The following CPNE4 variants were observed in gnomAD, a reference collection of about 807,000 sequenced individuals.
The protein encoded by CPNE4 is copine-4.
CPNE4 carries 25 observed loss-of-function variants against 67.9 expected under a neutral mutation model. That is an observed-to-expected ratio of 0.37 (90% CI 0.27 to 0.51). The LOEUF is 0.51. CPNE4 is among the 20% of genes least tolerant of loss of function. The probability of loss-of-function intolerance (pLI) is 0.93; values close to 1 mark genes in which losing one functional copy is unlikely to be tolerated. For missense variants in CPNE4, 464 were observed against 690.8 expected (o/e 0.67, Z 3.68); for synonymous variants, 242 against 244.9 (o/e 0.99, Z 0.11).
intron 7 of CPNE4, among the ~76,000 whole-genome samples, chr3:131,665,684 C>CAAACAAACA (rs1553749457): frequency 1.3e-5 from 2 of 150,784 alleles, no homozygotes; most frequent in Non-Finnish European, 3.0e-5. Flanking sequence ...AACAAACAAA[C>CAAACAAACA]AAAAAACAGA....
intron 2 of CPNE4, among the ~76,000 whole-genome samples, chr3:131,852,427 A>T (rs1008279211): frequency 6.6e-6 from 1 of 152,054 alleles, no homozygotes; most frequent in Admixed American, 6.6e-5. Flanking sequence ...GCATACTGTC[A>T]CCACAAGAGT....
intron 2 of CPNE4, among the ~76,000 whole-genome samples, chr3:131,887,986 A>G (rs2087962371): frequency 1.3e-5 from 2 of 152,280 alleles, no homozygotes; most frequent in South Asian, 4.1e-4. Flanking sequence ...CTAGCCTAAC[A>G]CTTGGGTGAA....
chr3:131,745,468 G>A (rs1405682765), intron 2 of CPNE4, among the ~76,000 whole-genome samples: 2 of 152,052 alleles, frequency 1.3e-5, no homozygotes, highest in African/African-American at 2.4e-5. Context: ...TATGCTGCAC[G>A]TGTCAAGTCT....
intron 1 of CPNE4, among the ~76,000 whole-genome samples, chr3:131,989,293 T>A (rs1219799101): frequency 6.6e-6 from 1 of 152,150 alleles, no homozygotes; most frequent in Non-Finnish European, 1.5e-5. Flanking sequence ...GAGTTTAGAG[T>A]TTACTGGAGT....
chr3:131,887,386 C>T (rs1431029501), intron 2 of CPNE4, among the ~76,000 whole-genome samples: 1 of 152,104 alleles, frequency 6.6e-6, no homozygotes, highest in East Asian at 1.9e-4. Context: ...ATTGCCCAGT[C>T]TCAGGTATGT....
rs574877579 is a variant in CPNE4, at chr3:131,536,425, A to G, written c.1540-1096T>C. Among the ~76,000 whole-genome samples the G allele has an allele frequency of 2.2e-4, 34 of 152,322 alleles. 1 individual carries two copies. The South Asian group carries it at 7.0e-3, about 32-fold the overall frequency. On this transcript the variant is annotated intron_variant, in intron 15 of 15. Transcript: ENST00000429747. ...CAATTTCAATGGCCTGAGCCTCATT[A>G]TTAACTATTATTGAAGAGATTGAAA...
At chr3:131,739,975 T>C (rs2082320882) in intron 2 of CPNE4, among the ~76,000 whole-genome samples, 1 of 152,372 alleles carries the variant, frequency 6.6e-6, no homozygotes, top group East Asian at 1.9e-4. Flanking sequence ...TAATTCTTTT[T>C]CAAGAATAGT....
chr3:131,751,377 G>A (rs1313849437), intron 2 of CPNE4, among the ~76,000 whole-genome samples: 1 of 151,526 alleles, frequency 6.6e-6, no homozygotes, highest in Admixed American at 6.6e-5. Context: ...TATTTCTATT[G>A]TTCTATCTTC....
At position 131,959,040 on chromosome 3, in the gene CPNE4, G is replaced by T. The variant is rs1344776563; in HGVS notation, c.-1-53596C>A. Among the ~76,000 whole-genome samples the T allele has an allele frequency of 3.1e-4, 9 of 28,798 alleles. 2 individuals are homozygous for T. The highest frequency in any genetic ancestry group is 1.6e-3 in the African/African-American group (9 of 5,628). 18.9% of individuals were successfully genotyped at this position (28,798 alleles called of 152,430 possible). On this transcript the variant is annotated intron_variant, in intron 1 of 15. Coordinates refer to ENST00000429747, the MANE Select transcript of CPNE4 (RefSeq NM_130808.3). ...TTTTGAGACGGAGTCTCGCTCTGTC[G>T]CCCAGGCTGGAGTGCAGTGGCGGGA...
At chr3:131,546,403 G>A (rs1935840872) in intron 14 of CPNE4, among the ~76,000 whole-genome samples, 1 of 152,074 alleles carries the variant, frequency 6.6e-6, no homozygotes, top group South Asian at 2.1e-4. Flanking sequence ...TTTTTACCTG[G>A]AAGAGTTCCA....
intron 1 of CPNE4, among the ~76,000 whole-genome samples, chr3:131,949,048 T>G (rs753763696): frequency 8.5e-5 from 13 of 152,306 alleles, no homozygotes; most frequent in Non-Finnish European, 1.8e-4. Flanking sequence ...AATTTTTTTC[T>G]TATCTGTAGA....
rs73875004 is a variant in CPNE4, at chr3:131,733,685, C to T, written c.181-10060G>A. Among the ~76,000 whole-genome samples, 651 of 152,312 alleles carry T rather than the reference C, an allele frequency of 4.3e-3. 5 individuals carry two copies. Among genetic ancestry groups the T allele is most frequent in the African/African-American group, 0.015 (629 of 41,572 alleles). The stretch of plus-strand genomic sequence containing the variant: ...TCGAACTTGCAGTGACTGTCAGATC[C>T]TCAGTTTATAGAAGCTAGGAGTCTA... On this transcript the variant is annotated intron_variant, in intron 2 of 15. Coordinates refer to ENST00000429747, the MANE Select transcript of CPNE4 (RefSeq NM_130808.3).
intron 2 of CPNE4, among the ~76,000 whole-genome samples, chr3:131,870,558 T>G (rs1560507993): frequency 6.6e-6 from 1 of 152,150 alleles, no homozygotes; most frequent in Non-Finnish European, 1.5e-5. Context: ...AAACTCTGCA[T>G]GAACAAGTAC....
intron 7 of CPNE4, among the ~76,000 whole-genome samples, chr3:131,602,955 G>A (rs573324367): frequency 8.0e-4 from 122 of 152,248 alleles, no homozygotes; most frequent in South Asian, 4.8e-3. Flanking sequence ...GTTGGCTGTT[G>A]AGGTATGATG....
chr3:131,768,809 T>G (rs17294951), intron 2 of CPNE4, among the ~76,000 whole-genome samples: 9,114 of 152,150 alleles, frequency 0.06, 346 homozygotes, highest in Non-Finnish European at 0.089. Context: ...GGAAAGAAAC[T>G]CAAGCCCCAA....
At chr3:131,848,967 A>AAAAAAAAAAC (rs2086119678) in intron 2 of CPNE4, among the ~76,000 whole-genome samples, 1 of 146,390 alleles carries the variant, frequency 6.8e-6, no homozygotes, top group African/African-American at 2.5e-5. Flanking sequence ...AAAAAAAAAA[A>AAAAAAAAAAC]AAAAAAAAAA....
At chr3:132,007,875 C>T (rs1199074373) in intron 1 of CPNE4, among the ~76,000 whole-genome samples, 1 of 152,166 alleles carries the variant, frequency 6.6e-6, no homozygotes, top group Admixed American at 6.5e-5. Flanking sequence ...CATCACTGCA[C>T]CCGTCTTCCC....
intron 4 of CPNE4, among the ~76,000 whole-genome samples, chr3:131,696,984 A>T (rs565801280): frequency 6.6e-6 from 1 of 152,368 alleles, no homozygotes; most frequent in South Asian, 2.1e-4. Context: ...ACAGAGAAGG[A>T]AAAACAGCAA....
chr3:132,009,322 C>A (rs901052632), intron 1 of CPNE4, among the ~76,000 whole-genome samples: 1 of 152,258 alleles, frequency 6.6e-6, no homozygotes. Context: ...GAGGGGAGGT[C>A]CTGTTCTGTA....
Sources: gnomAD v4.1 joint callset for allele counts (sites outside exome capture counted in the v4.1 genomes callset) on GRCh38, gnomAD v4.1.1 for gene constraint, MANE v1.5 for transcripts, NCBI Gene and HGNC (gene_info 2026-07-23, HGNC 2026-07-21) for gene names.